TENM3: variants seen among roughly 807,000 people sequenced by gnomAD.
TENM3 encodes teneurin transmembrane protein 3, also known as teneurin-3.
Under a neutral mutation model 255.1 loss-of-function variants are expected in TENM3, and 63 were observed. The observed-to-expected ratio is 0.25, with a 90% CI of 0.20 to 0.30. TENM3 has a LOEUF of 0.30. Among genes scored for constraint, TENM3 ranks in the 10% least tolerant of loss-of-function variants. The pLI, the probability that TENM3 is intolerant of heterozygous loss-of-function variation, is 1.00. For missense variants in TENM3, 2,929 were observed against 3,461.1 expected (o/e 0.85, Z 3.86); for synonymous variants, 1,306 against 1,322.3 (o/e 0.99, Z 0.27).
intron 3 of TENM3, among the ~76,000 whole-genome samples, chr4:182,545,240 T>A (rs1393986507): frequency 6.6e-6 from 1 of 152,228 alleles, no homozygotes; most frequent in Non-Finnish European, 1.5e-5. Flanking sequence ...ACTTGATATG[T>A]CTGTTTGCGT....
chr4:182,603,347 C>G (rs1748078617), intron 4 of TENM3, among the ~76,000 whole-genome samples: 1 of 152,084 alleles, frequency 6.6e-6, no homozygotes, highest in African/African-American at 2.4e-5. Flanking sequence ...TATGATCTCA[C>G]TAATAAATAT....
At chr4:182,554,058 A>G (rs1742342490) in intron 3 of TENM3, among the ~76,000 whole-genome samples, 1 of 152,204 alleles carries the variant, frequency 6.6e-6, no homozygotes, top group Admixed American at 6.5e-5. Context: ...ACGCAAGTGT[A>G]AGTACGTACA....
the TENM3 span, among the ~76,000 whole-genome samples, chr4:181,855,122 G>A: frequency 7.9e-5 from 12 of 152,182 alleles, no homozygotes; most frequent in Admixed American, 7.9e-4. Context: ...ATTTTTAGAG[G>A]GAAGAAGATG....
In TENM3 at chr4:182,464,382, G is replaced by A. The variant is rs183920361; in HGVS notation, c.511+117453G>A. 3.2e-3 allele frequency among the ~76,000 whole-genome samples: 490 copies of A among 152,166 alleles called. 8 individuals carry two copies. Among genetic ancestry groups the A allele is most frequent in the African/African-American group, 0.011 (463 of 41,506 alleles). ...AGTGATTCTCCTGACTCAGCCTCCC[G>A]AGTAGCTGGGATTACAGTCGCCTGC... is the stretch of plus-strand genomic sequence containing the variant. On this transcript the variant is annotated intron_variant, in intron 3 of 27. Coordinates refer to ENST00000511685, the MANE Select transcript of TENM3 (RefSeq NM_001080477.4).
chr4:181,620,792 T>C, the TENM3 span, among the ~76,000 whole-genome samples: 3,029 of 152,252 alleles, frequency 0.02, 101 homozygotes, highest in African/African-American at 0.068. Context: ...AAATAAGGAA[T>C]GTGTGCCTGG....
chr4:181,853,343 C>A, the TENM3 span, among the ~76,000 whole-genome samples: 2 of 152,148 alleles, frequency 1.3e-5, no homozygotes, highest in Non-Finnish European at 1.5e-5. Flanking sequence ...TTTAGTTAAA[C>A]TTTTACGTTG....
At chr4:181,586,677 C>CA in the TENM3 span, among the ~76,000 whole-genome samples, 1 of 151,912 alleles carries the variant, frequency 6.6e-6, no homozygotes, top group Admixed American at 6.5e-5. Flanking sequence ...CTGTCTCTAG[C>CA]AAAAACACAG....
intron 15 of TENM3, 54 bp from the exon 16 acceptor site, chr4:182,730,824 T>C: frequency 6.3e-7 from 1 of 1,590,818 alleles, no homozygotes; most frequent in Non-Finnish European, 8.6e-7. Context: ...AGGTGTGTAT[T>C]GGTAGTTATG....
chr4:182,045,090 T>C, the TENM3 span, among the ~76,000 whole-genome samples: 14,250 of 152,266 alleles, frequency 0.094, 723 homozygotes, highest in East Asian at 0.16. Flanking sequence ...AAACAGCGTT[T>C]GGTGCAAGGG....
At chr4:181,493,835 A>AT in the TENM3 span, among the ~76,000 whole-genome samples, 1 of 152,168 alleles carries the variant, frequency 6.6e-6, no homozygotes. Context: ...CGTACCAATG[A>AT]TCCCAAATTA....
intron 1 of TENM3, among the ~76,000 whole-genome samples, chr4:182,307,273 G>T (rs1025486243): frequency 5.9e-5 from 9 of 152,212 alleles, no homozygotes; most frequent in African/African-American, 2.2e-4. Context: ...TGTGGTCTCA[G>T]TCCGGTTCAT....
chr4:181,906,271 AGGG>A, the TENM3 span: 1 of 183,220 alleles, frequency 5.5e-6, no homozygotes, highest in African/African-American at 2.4e-5. Flanking sequence ...AGTGGTCTAT[AGGG>A]GTTGTGGACA....
intron 3 of TENM3, among the ~76,000 whole-genome samples, chr4:182,447,435 A>C (rs1378275546): frequency 6.6e-6 from 1 of 152,190 alleles, no homozygotes; most frequent in Non-Finnish European, 1.5e-5. Flanking sequence ...ATTGGGTATA[A>C]AAAGCGACAA....
the TENM3 span, among the ~76,000 whole-genome samples, chr4:182,041,129 A>G: frequency 6.6e-6 from 1 of 152,102 alleles, no homozygotes; most frequent in Non-Finnish European, 1.5e-5. Flanking sequence ...GTAACCTAAG[A>G]TCTAATTAGA....
At chr4:182,071,149 G>A in the TENM3 span, among the ~76,000 whole-genome samples, 3 of 152,256 alleles carry the variant, frequency 2.0e-5, no homozygotes, top group South Asian at 6.2e-4. Flanking sequence ...ACTATTTCAA[G>A]ACTATGGATA....
At chr4:181,858,187 A>T in the TENM3 span, among the ~76,000 whole-genome samples, 3 of 152,212 alleles carry the variant, frequency 2.0e-5, no homozygotes, top group African/African-American at 7.2e-5. Flanking sequence ...CAGCAGCTCA[A>T]CAGATCTTCC....
intron 2 of TENM3, among the ~76,000 whole-genome samples, chr4:182,326,723 T>C (rs904448883): frequency 6.6e-6 from 1 of 151,774 alleles, no homozygotes; most frequent in Admixed American, 6.6e-5. Context: ...ACATTTTTTT[T>C]AATAGAGACA....
the TENM3 span, among the ~76,000 whole-genome samples, chr4:181,993,792 A>G: frequency 6.6e-6 from 1 of 152,150 alleles, no homozygotes; most frequent in Non-Finnish European, 1.5e-5. Flanking sequence ...TCCTATAAAG[A>G]AAAATAATTA....
At chr4:182,512,018 C>T (rs1737449255) in intron 3 of TENM3, among the ~76,000 whole-genome samples, 1 of 152,066 alleles carries the variant, frequency 6.6e-6, no homozygotes, top group South Asian at 2.1e-4. Context: ...AAGACTCTAC[C>T]CAGGTAGATC....
Sources: gnomAD v4.1 joint callset for allele counts (sites outside exome capture counted in the v4.1 genomes callset) on GRCh38, gnomAD v4.1.1 for gene constraint, MANE v1.5 for transcripts, NCBI Gene and HGNC (gene_info 2026-07-23, HGNC 2026-07-21) for gene names.